The following SPATA6L variants were observed in gnomAD, a reference collection of about 807,000 sequenced individuals.
The protein encoded by SPATA6L is spermatogenesis associated 6 like.
Under a neutral mutation model 49.2 loss-of-function variants are expected in SPATA6L, and 68 were observed. The observed-to-expected ratio is 1.38, with a 90% CI of 1.14 to 1.69. SPATA6L has a LOEUF of 1.69. Ranked by LOEUF, SPATA6L falls within the 40% of genes most tolerant of loss-of-function variation. The pLI is 0.00. For synonymous variants in SPATA6L, 198 were observed against 165.7 expected (o/e 1.19, Z -1.50); for missense variants, 668 against 464.3 (o/e 1.44, Z -4.03).
chr9:4,624,030 T>C (rs929439015), intron 6 of SPATA6L, among the ~76,000 whole-genome samples: 11 of 152,210 alleles, frequency 7.2e-5, no homozygotes, highest in African/African-American at 2.2e-4. Context: ...CATACAGTTA[T>C]CTCAACAGCA....
intron 2 of SPATA6L, among the ~76,000 whole-genome samples, chr9:4,659,804 C>T (rs1380498371): frequency 1.3e-5 from 2 of 152,240 alleles, no homozygotes; most frequent in Non-Finnish European, 2.9e-5. Flanking sequence ...GTAACCAAAA[C>T]AGCACAGTAC....
chr9:4,601,470 G>C (rs1050329295), intron 11 of SPATA6L, among the ~76,000 whole-genome samples: 8 of 151,746 alleles, frequency 5.3e-5, no homozygotes, highest in African/African-American at 1.9e-4. Context: ...AAAGTACCAA[G>C]TCCCAAAAGA....
intron 2 of SPATA6L, among the ~76,000 whole-genome samples, chr9:4,660,532 C>G (rs1191162513): frequency 3.3e-5 from 5 of 152,176 alleles, no homozygotes; most frequent in Admixed American, 1.3e-4. Flanking sequence ...CAGGAAACAA[C>G]AGGTGCTGGA....
In SPATA6L at chr9:4,618,017, G is replaced by T. The variant is rs754901236; in HGVS notation, c.901C>A (p.Gln301Lys). 6.2e-7 allele frequency: 1 copy of T among 1,614,066 alleles called. No homozygotes were observed. The highest frequency in any genetic ancestry group is 1.1e-5 in the South Asian group (1 of 91,078). ...TTCCCGTGGAAATCAGCATCCCCTTGTTTACTGGATGAAGACTTTCCAAAC... is the reference window on the plus strand; with the variant it reads ...TTCCCGTGGAAATCAGCATCCCCTTTTTTACTGGATGAAGACTTTCCAAAC... ...SQFGKSSSSK[Q>K]GDADFHGKAS... Residue 301 changes from glutamine to lysine, a missense_variant, in exon 9 of 12, where the codon CAA becomes AAA. Gln to Lys is a moderately conservative substitution (Grantham distance 53, BLOSUM62 1). Coordinates refer to ENST00000682582, the MANE Select transcript of SPATA6L (RefSeq NM_001353486.2).
At chr9:4,665,870 G>A (rs953578938) in intron 1 of SPATA6L, among the ~76,000 whole-genome samples, 1 of 152,150 alleles carries the variant, frequency 6.6e-6, no homozygotes, top group Non-Finnish European at 1.5e-5. Flanking sequence ...ATTTAAAGAA[G>A]TTGAAAATCC....
chr9:4,618,739 T>C, intron 8 of SPATA6L, 125 bp downstream of exon 8: 1 of 918,080 alleles, frequency 1.1e-6, no homozygotes, highest in South Asian at 1.6e-5. Flanking sequence ...ATACAAACAC[T>C]AAACTACAGC....
At chr9:4,656,382 G>T (rs7872899) in intron 2 of SPATA6L, among the ~76,000 whole-genome samples, 10,709 of 151,632 alleles carry the variant, frequency 0.071, 880 homozygotes, top group African/African-American at 0.19. Context: ...GAGGTTGCAG[G>T]GAGCCGAGAT....
At chr9:4,647,217 C>G (rs544389720) in intron 3 of SPATA6L, among the ~76,000 whole-genome samples, 1 of 152,100 alleles carries the variant, frequency 6.6e-6, no homozygotes, top group African/African-American at 2.4e-5. Flanking sequence ...TATTCAAAAT[C>G]CACTTGTTAT....
At chr9:4,647,249 T>C (rs577977763) in intron 3 of SPATA6L, among the ~76,000 whole-genome samples, 7 of 152,334 alleles carry the variant, frequency 4.6e-5, no homozygotes, top group Admixed American at 1.3e-4. Flanking sequence ...CAAAAGTTTA[T>C]CTTGCTTACA....
intron 7 of SPATA6L, among the ~76,000 whole-genome samples, chr9:4,620,404 T>G (rs1378709479): frequency 6.6e-6 from 1 of 152,182 alleles, no homozygotes; most frequent in East Asian, 1.9e-4. Context: ...GTGCAGTCCA[T>G]AGACCAGCAG....
intron 1 of SPATA6L, among the ~76,000 whole-genome samples, chr9:4,665,774 GAA>G (rs1840767946): frequency 1.3e-5 from 2 of 152,160 alleles, no homozygotes; most frequent in South Asian, 4.1e-4. Flanking sequence ...TCACTAAGGG[GAA>G]ATATCATAGA....
rs148166276 is a variant in SPATA6L, at chr9:4,624,330, G to T, written c.669+997C>A. Among the ~76,000 whole-genome samples the T allele has an allele frequency of 9.8e-5, 15 of 152,318 alleles. No homozygotes were observed. The East Asian group carries it at 2.9e-3, about 29-fold the overall frequency. On this transcript the variant is annotated intron_variant, in intron 6 of 11. Transcript: ENST00000682582. Reference sequence around the variant, plus strand: ...CCTATGAATGCAAGCATAAGGCAGAGAAATTGCGTCAAATTAAATCAAACA... The same window carrying T: ...CCTATGAATGCAAGCATAAGGCAGATAAATTGCGTCAAATTAAATCAAACA...
chr9:4,603,555 A>G (rs1012371498), intron 11 of SPATA6L, among the ~76,000 whole-genome samples: 3 of 152,220 alleles, frequency 2.0e-5, no homozygotes, highest in Non-Finnish European at 2.9e-5. Context: ...CACCTAGTAC[A>G]TGTGTTTGCA....
In SPATA6L at chr9:4,625,325, A is replaced by G; in HGVS notation, c.669+2T>C. The G allele has an allele frequency of 6.2e-7, 1 of 1,611,384 alleles. No homozygotes were observed. The highest frequency in any genetic ancestry group is 8.5e-7 in the Non-Finnish European group (1 of 1,178,820). On this transcript the variant is annotated splice_donor_variant, in intron 6 of 11. Transcript: ENST00000682582. LOFTEE classifies it high-confidence loss of function. ...TGCTCTAAAAAATAATTTTAGGCTC[A>G]CGTGTCTAACAACAAATGGAGGCTT... is the stretch of plus-strand genomic sequence containing the variant.
intron 3 of SPATA6L, among the ~76,000 whole-genome samples, chr9:4,649,829 A>G (rs915745030): frequency 6.6e-6 from 1 of 152,240 alleles, no homozygotes; most frequent in African/African-American, 2.4e-5. Context: ...CAGGGTTAAT[A>G]TTGGGAAATG....
At chr9:4,607,312 C>T (rs1449991986) in intron 9 of SPATA6L, among the ~76,000 whole-genome samples, 11 of 151,800 alleles carry the variant, frequency 7.2e-5, no homozygotes, top group East Asian at 1.9e-4. Flanking sequence ...AGATACTCCT[C>T]GAGAAGAGCA....
chr9:4,621,068 T>C (rs1409390271), intron 7 of SPATA6L, among the ~76,000 whole-genome samples: 1 of 152,168 alleles, frequency 6.6e-6, no homozygotes, highest in East Asian at 1.9e-4. Flanking sequence ...AATGTAAACC[T>C]TTAAGCCTAA....
At chr9:4,603,882 C>A (rs183041315) in intron 11 of SPATA6L, among the ~76,000 whole-genome samples, 2 of 152,198 alleles carry the variant, frequency 1.3e-5, no homozygotes, top group Admixed American at 1.3e-4. Context: ...TGCAGAGACC[C>A]CATGGCAGGA....
chr9:4,643,008 T>G (rs1834376036), intron 3 of SPATA6L, among the ~76,000 whole-genome samples: 1 of 152,122 alleles, frequency 6.6e-6, no homozygotes, highest in South Asian at 2.1e-4. Flanking sequence ...AAAATATATT[T>G]TTATCTATTT....
Sources: gnomAD v4.1 joint callset for allele counts (sites outside exome capture counted in the v4.1 genomes callset) on GRCh38, gnomAD v4.1.1 for gene constraint, MANE v1.5 for transcripts, NCBI Gene and HGNC (gene_info 2026-07-23, HGNC 2026-07-21) for gene names.